The following COPS3 variants were observed in gnomAD, a reference collection of about 807,000 sequenced individuals.
COPS3 encodes COP9 signalosome complex subunit 3.
A neutral mutation model predicts 58.2 loss-of-function variants in COPS3; 10 were observed. The observed-to-expected ratio is 0.17, with a 90% CI of 0.11 to 0.29. COPS3 has a LOEUF of 0.29. Among genes scored for constraint, COPS3 ranks in the 10% least tolerant of loss-of-function variants. The probability of loss-of-function intolerance (pLI) is 1.00; values close to 1 mark genes in which losing one functional copy is unlikely to be tolerated. For synonymous variants in COPS3, 187 were observed against 181.7 expected (o/e 1.03, Z -0.24); for missense variants, 333 against 510.1 (o/e 0.65, Z 3.34).
At chr17:17,257,705 G>A (rs1385114000) in intron 8 of COPS3, among the ~76,000 whole-genome samples, 1 of 150,990 alleles carries the variant, frequency 6.6e-6, no homozygotes, top group Non-Finnish European at 1.5e-5. Flanking sequence ...GCTGAGGCAG[G>A]AGAATGGCGT....
chr17:17,254,923 T>C lies in COPS3; in HGVS notation c.959A>G (p.Gln320Arg). The part of the protein sequence containing the change: ...LTKTFLTLSL[Q>R]DMASRVQLSG... ...CAACTGCACACGACTTGCCATATCT[T>C]GTAATGATAGAGTTAAAAAGGTCTG... Residue 320 changes from glutamine to arginine, a missense_variant, in exon 9 of 12, where the codon CAA becomes CGA. Gln to Arg is a conservative substitution (Grantham distance 43). Transcript: ENST00000268717. 17 of 1,613,304 alleles carry C rather than the reference T, an allele frequency of 1.1e-5. No individual in the cohort carries two copies. Among genetic ancestry groups the C allele is most frequent in the Non-Finnish European group, 1.4e-5 (17 of 1,179,426 alleles).
intron 5 of COPS3, 143 bp from the exon 6 acceptor site, chr17:17,265,124 A>G (rs1358383591): frequency 2.7e-6 from 2 of 744,486 alleles, no homozygotes; most frequent in Non-Finnish European, 4.3e-6. Context: ...CTAAATGTCA[A>G]CACATTTCAT....
intron 9 of COPS3, among the ~76,000 whole-genome samples, chr17:17,250,062 T>G (rs977131491): frequency 1.3e-5 from 2 of 152,068 alleles, no homozygotes; most frequent in African/African-American, 4.8e-5. Context: ...TCCCTCCCCA[T>G]TCCCTCCTTC....
At chr17:17,275,934 T>C in intron 2 of COPS3, 101 bp downstream of exon 2, 1 of 1,186,802 alleles carries the variant, frequency 8.4e-7, no homozygotes, top group Non-Finnish European at 1.1e-6. Context: ...AGAGCGAAAC[T>C]CCATCTCAAA....
intron 5 of COPS3, among the ~76,000 whole-genome samples, chr17:17,266,219 C>T (rs894135037): frequency 6.6e-6 from 1 of 152,146 alleles, no homozygotes; most frequent in African/African-American, 2.4e-5. Flanking sequence ...TAGAATACTC[C>T]GTACCTGTAG....
At chr17:17,247,878 A>G (rs191149418) in intron 10 of COPS3, 2 of 225,354 alleles carry the variant, frequency 8.9e-6, no homozygotes, top group African/African-American at 2.3e-5. Context: ...TTTGCCATTA[A>G]ATTAATTACA....
chr17:17,254,605 T>A (rs1486720742), intron 9 of COPS3, among the ~76,000 whole-genome samples: 236 of 145,682 alleles, frequency 1.6e-3, no homozygotes, highest in African/African-American at 5.7e-3. Context: ...TGGTCAGGAG[T>A]TTGAGACCAG....
At chr17:17,254,337 C>T (rs1282550893) in intron 9 of COPS3, among the ~76,000 whole-genome samples, 1 of 150,172 alleles carries the variant, frequency 6.7e-6, no homozygotes, top group South Asian at 2.1e-4. Flanking sequence ...ACAAATAGGA[C>T]GCAAGCCTGA....
intron 7 of COPS3, among the ~76,000 whole-genome samples, chr17:17,260,851 A>C (rs2048081734): frequency 6.6e-6 from 1 of 152,098 alleles, no homozygotes; most frequent in African/African-American, 2.4e-5. Context: ...CAGAAGACTC[A>C]AATGTGTATA....
At chr17:17,269,855 T>TA (rs2048307170) in intron 4 of COPS3, among the ~76,000 whole-genome samples, 1 of 152,160 alleles carries the variant, frequency 6.6e-6, no homozygotes, top group Non-Finnish European at 1.5e-5. Context: ...GTTGATGCAT[T>TA]ATATTAACGT....
At chr17:17,272,086 G>A (rs540433381) in intron 2 of COPS3, among the ~76,000 whole-genome samples, 23 of 151,772 alleles carry the variant, frequency 1.5e-4, no homozygotes, top group Non-Finnish European at 2.7e-4. Context: ...TCAGGAGTTC[G>A]AGACCAGCCT....
intron 8 of COPS3, 45 bp from the exon 9 acceptor site, chr17:17,254,990 GA>G: frequency 7.3e-7 from 1 of 1,375,440 alleles, no homozygotes; most frequent in Non-Finnish European, 1.0e-6. Flanking sequence ...AACAACGAAG[GA>G]AGGACATTTT....
chr17:17,271,876 A>G (rs1471737401), intron 2 of COPS3, among the ~76,000 whole-genome samples: 1 of 123,822 alleles, frequency 8.1e-6, no homozygotes, highest in Non-Finnish European at 1.7e-5. Context: ...ACACACACAT[A>G]TGTTTAATAA....
intron 6 of COPS3, among the ~76,000 whole-genome samples, chr17:17,263,217 G>A (rs1364781240): frequency 1.3e-5 from 2 of 151,310 alleles, no homozygotes; most frequent in Admixed American, 6.6e-5. Flanking sequence ...GAACCCGGGA[G>A]GCGGAGCTTG....
In COPS3 at chr17:17,262,270, C is replaced by T. The variant is rs149220711; in HGVS notation, c.622-164G>A. ...AGAATTCATTTTATTTTTATTTATGCATTTTTTAGAGACAGGGTCTCGCTC... is the reference window on the plus strand; with the variant it reads ...AGAATTCATTTTATTTTTATTTATGTATTTTTTAGAGACAGGGTCTCGCTC... On this transcript the variant is annotated intron_variant, in intron 6 of 11. Transcript: ENST00000268717. Among the ~76,000 whole-genome samples, 10 of 152,106 alleles carry T rather than the reference C, an allele frequency of 6.6e-5. No homozygotes were observed. In the East Asian group the frequency reaches 1.9e-3, roughly 29 times the overall value.
Position 17,262,065 on chromosome 17 carries a change from C to T in COPS3, c.663G>A (p.Leu221=). 4 of 1,611,396 alleles carry T rather than the reference C, an allele frequency of 2.5e-6. No individual in the cohort carries two copies. The South Asian group carries it at 3.3e-5, about 13-fold the overall frequency. ...TPAMAVSHIM[L]ESYKKYILVS... Reference sequence around the variant, plus strand: ...CTAAAATATACTTTTTATATGATTCCAACATGATATGACTGACCGCCATGG... The same window carrying T: ...CTAAAATATACTTTTTATATGATTCTAACATGATATGACTGACCGCCATGG... Residue 221 remains leucine, a synonymous_variant, in exon 7 of 12, where the codon TTG becomes TTA. Transcript: ENST00000268717.
Position 17,247,521 on chromosome 17 carries a change from T to A in COPS3, c.1177A>T (p.Met393Leu). Residue 393 changes from methionine to leucine, a missense_variant, in exon 11 of 12, where the codon ATG becomes TTG. By Grantham distance (15) the Met-to-Leu change is conservative. Transcript: ENST00000268717. ...GGGTTCACTGTGATCTCCTGGTCCATGGCTTTCAGCCGCTCATCCAGCTCA... is the reference window on the plus strand; with the variant it reads ...GGGTTCACTGTGATCTCCTGGTCCAAGGCTTTCAGCCGCTCATCCAGCTCA... ...CIELDERLKAMDQEITVNPQF... is the reference protein window; with the variant it reads ...CIELDERLKALDQEITVNPQF... 3 of 1,614,272 alleles carry A rather than the reference T, an allele frequency of 1.9e-6. No homozygotes were observed. Among genetic ancestry groups the A allele is most frequent in the South Asian group, 2.2e-5 (2 of 91,092 alleles).
At chr17:17,274,488 T>C (rs2048418873) in intron 2 of COPS3, among the ~76,000 whole-genome samples, 1 of 151,442 alleles carries the variant, frequency 6.6e-6, no homozygotes. Context: ...GCAGTGGCGT[T>C]GTCTCAGCTC....
In COPS3 at chr17:17,270,691, G is replaced by GT. The variant is rs2048324689; in HGVS notation, c.348+66dup. ...CAGTACTAACTGGAATCTTGATAAA[G>GT]TAATTCATTGTGTAAGCTAGTTACA... On this transcript the variant is annotated intron_variant, in intron 4 of 11. Coordinates refer to ENST00000268717, the MANE Select transcript of COPS3 (RefSeq NM_003653.4). 7.4e-6 allele frequency: 10 copies of GT among 1,355,842 alleles called. No individual in the cohort carries two copies. The Admixed American group carries it at 1.0e-4, about 14-fold the overall frequency. The allele number at this position is 1,355,842 out of a possible 1,614,324, so 84.0% of individuals were successfully genotyped here.
Sources: allele counts gnomAD v4.1 joint callset (sites outside exome capture counted in the v4.1 genomes callset), GRCh38; gene constraint gnomAD v4.1.1; transcripts MANE v1.5; gene names NCBI Gene and HGNC (gene_info 2026-07-23, HGNC 2026-07-21).